BMPER: variants seen among roughly 807,000 people sequenced by gnomAD.
The protein encoded by BMPER is BMP-binding endothelial regulator protein.
Under a neutral mutation model 87.3 loss-of-function variants are expected in BMPER, and 45 were observed. The observed-to-expected ratio is 0.52, with a 90% CI of 0.41 to 0.66. The LOEUF (loss-of-function observed/expected upper bound fraction) is 0.66, where lower values mean the gene tolerates loss of function less well. Ranked by LOEUF, BMPER falls within the 30% of genes least tolerant of loss-of-function variation. BMPER has a pLI of 0.00. For synonymous variants in BMPER, 326 were observed against 316.2 expected, an observed-to-expected ratio of 1.03 and a Z score of -0.33; for missense variants, 784 against 867.5, an observed-to-expected ratio of 0.90 and a Z score of 1.21.
chr7:33,993,790 G>A (rs1786307468), intron 6 of BMPER, among the ~76,000 whole-genome samples: 1 of 152,180 alleles, frequency 6.6e-6, no homozygotes, highest in African/African-American at 2.4e-5. Context: ...ATGTACAGAT[G>A]GGTTTTTGGT....
rs977022203 is a variant in BMPER, at chr7:34,155,002, G to A, written c.*1729G>A. On this transcript the variant is annotated 3_prime_UTR_variant, in exon 15 of 15. Transcript: ENST00000649409. ...TATCCCCATTATTTAAGCATTTGGGGGTCTCACTTTTGCTTATCTGTAACA... is the reference window on the plus strand; with the variant it reads ...TATCCCCATTATTTAAGCATTTGGGAGTCTCACTTTTGCTTATCTGTAACA... The A allele has an allele frequency of 5.9e-5, 9 of 151,962 alleles. No homozygotes were observed. Among genetic ancestry groups the A allele is most frequent in the African/African-American group, 2.2e-4 (9 of 41,360 alleles). The allele number at this position is 151,962 out of a possible 1,614,324, so 9.4% of individuals were successfully genotyped here.
intron 13 of BMPER, among the ~76,000 whole-genome samples, chr7:34,142,842 G>A (rs1297361301): frequency 3.3e-5 from 5 of 152,204 alleles, no homozygotes; most frequent in Non-Finnish European, 7.3e-5. Flanking sequence ...GCCATTAGGC[G>A]CATTGGGCTA....
Position 34,028,601 on chromosome 7 carries a change from G to GTTTTTTTTTTTTTTTTTTTTTTTTT in BMPER, c.577-17697_577-17673dup. Among the ~76,000 whole-genome samples the GTTTTTTTTTTTTTTTTTTTTTTTTT allele has an allele frequency of 1.1e-3, 38 of 36,058 alleles. 2 individuals carry two copies. Among genetic ancestry groups the GTTTTTTTTTTTTTTTTTTTTTTTTT allele is most frequent in the Non-Finnish European group, 1.4e-3 (27 of 19,624 alleles). The allele number at this position is 36,058 out of a possible 152,430, so 23.7% of individuals were successfully genotyped here. A position where few individuals can be genotyped will look rare whatever the true frequency, so the allele number is the denominator to read the frequency against. On this transcript the variant is annotated intron_variant, in intron 6 of 14. Transcript: ENST00000649409. ...ACATACAGTCCAAATCATTTTTTCT[G>GTTTTTTTTTTTTTTTTTTTTTTTTT]TTTTTTTTTTTTTTTTTTTTTTTTT...
chr7:34,089,821 T>C (rs1157762207), intron 13 of BMPER, among the ~76,000 whole-genome samples: 1 of 152,204 alleles, frequency 6.6e-6, no homozygotes, highest in Non-Finnish European at 1.5e-5. Context: ...TTTATTTTGG[T>C]CTTTTATTCA....
intron 13 of BMPER, among the ~76,000 whole-genome samples, chr7:34,120,895 A>T (rs1345056553): frequency 6.6e-6 from 1 of 152,158 alleles, no homozygotes; most frequent in Non-Finnish European, 1.5e-5. Flanking sequence ...GTGTAATACC[A>T]TGTACGTAAA....
chr7:33,990,742 G>A (rs1437649026), intron 6 of BMPER, among the ~76,000 whole-genome samples: 4 of 128,782 alleles, frequency 3.1e-5, no homozygotes, highest in Non-Finnish European at 4.9e-5. Context: ...GTATGATATT[G>A]GCTGTGGGTT....
At chr7:34,075,888 C>A (rs1253176500) in intron 11 of BMPER, among the ~76,000 whole-genome samples, 3 of 152,232 alleles carry the variant, frequency 2.0e-5, no homozygotes, top group African/African-American at 7.2e-5. Flanking sequence ...CCTGCAGGAT[C>A]TGGCATAGGG....
At chr7:34,098,060 A>G (rs988748978) in intron 13 of BMPER, among the ~76,000 whole-genome samples, 8 of 152,244 alleles carry the variant, frequency 5.3e-5, no homozygotes, top group African/African-American at 1.9e-4. Flanking sequence ...TCATGCCCAG[A>G]GAAAGTGCTG....
intron 6 of BMPER, among the ~76,000 whole-genome samples, chr7:33,983,325 A>G (rs1288430505): frequency 1.3e-5 from 2 of 152,156 alleles, no homozygotes; most frequent in African/African-American, 4.8e-5. Flanking sequence ...CTATTTTTCT[A>G]CACAGGGAGA....
At chr7:34,081,312 TA>T (rs890419410) in intron 12 of BMPER, among the ~76,000 whole-genome samples, 5 of 152,094 alleles carry the variant, frequency 3.3e-5, no homozygotes, top group African/African-American at 4.8e-5. Flanking sequence ...TCCATAGATT[TA>T]AAAAAAAATT....
At chr7:34,037,355 C>T (rs1282375879) in intron 6 of BMPER, among the ~76,000 whole-genome samples, 2 of 152,154 alleles carry the variant, frequency 1.3e-5, no homozygotes, top group African/African-American at 4.8e-5. Context: ...TATAGCCAGG[C>T]TGGACCTGCT....
intron 13 of BMPER, among the ~76,000 whole-genome samples, chr7:34,128,651 T>C (rs1790465397): frequency 6.6e-6 from 1 of 152,170 alleles, no homozygotes; most frequent in African/African-American, 2.4e-5. Context: ...TTATATAATG[T>C]GTTTGAAGAG....
At chr7:33,982,963 AT>A (rs1785903513) in intron 6 of BMPER, among the ~76,000 whole-genome samples, 1 of 152,118 alleles carries the variant, frequency 6.6e-6, no homozygotes, top group African/African-American at 2.4e-5. Flanking sequence ...GACTGGGAAA[AT>A]TTCATAATAT....
chr7:34,031,625 A>G (rs978827267), intron 6 of BMPER, among the ~76,000 whole-genome samples: 1 of 151,692 alleles, frequency 6.6e-6, no homozygotes, highest in Admixed American at 6.6e-5. Context: ...CCAGTGAAAT[A>G]TACTTTGACT....
At position 34,153,413 on chromosome 7, in the gene BMPER, T is replaced by G. The variant is rs1791236035; in HGVS notation, c.*140T>G. 1.4e-4 allele frequency: 99 copies of G among 720,404 alleles called. No individual in the cohort carries two copies. Among genetic ancestry groups the G allele is most frequent in the Admixed American group, 1.9e-4 (7 of 35,926 alleles). The allele number at this position is 720,404 out of a possible 1,614,324, so 44.6% of individuals were successfully genotyped here. ...GTATATATGTGTATATATATATAGATATATTCAAAAACATTGCATCATTTA... is the reference window on the plus strand; with the variant it reads ...GTATATATGTGTATATATATATAGAGATATTCAAAAACATTGCATCATTTA... On this transcript the variant is annotated 3_prime_UTR_variant, in exon 15 of 15. Transcript: ENST00000649409.
chr7:33,976,885 A>T (rs1243108089), intron 6 of BMPER, among the ~76,000 whole-genome samples: 1 of 152,262 alleles, frequency 6.6e-6, no homozygotes, highest in Non-Finnish European at 1.5e-5. Context: ...AACACAATGC[A>T]TGATGAATGA....
At chr7:33,932,341 A>G (rs1242692376) in intron 2 of BMPER, among the ~76,000 whole-genome samples, 1 of 152,226 alleles carries the variant, frequency 6.6e-6, no homozygotes, top group Non-Finnish European at 1.5e-5. Context: ...TCATTGACAT[A>G]TTGAGTATTG....
chr7:34,103,813 A>C (rs1008769092), intron 13 of BMPER, among the ~76,000 whole-genome samples: 1 of 152,190 alleles, frequency 6.6e-6, no homozygotes, highest in Admixed American at 6.5e-5. Flanking sequence ...GAATTAATCA[A>C]AAAGGAAAAC....
chr7:34,010,143 T>C (rs570147430), intron 6 of BMPER, among the ~76,000 whole-genome samples: 1 of 151,980 alleles, frequency 6.6e-6, no homozygotes, highest in East Asian at 1.9e-4. Context: ...GAACATGGGA[T>C]GTCTTATGTT....
Sources: allele counts gnomAD v4.1 joint callset (sites outside exome capture counted in the v4.1 genomes callset), GRCh38; gene constraint gnomAD v4.1.1; transcripts MANE v1.5; gene names NCBI Gene and HGNC (gene_info 2026-07-23, HGNC 2026-07-21).